The following ZNRF1 variants were observed in gnomAD, a reference collection of about 807,000 sequenced individuals.
ZNRF1 encodes E3 ubiquitin-protein ligase ZNRF1.
Under a neutral mutation model 18.4 loss-of-function variants are expected in ZNRF1, and 3 were observed. The ratio of observed to expected loss-of-function variants is 0.16; its 90% CI spans 0.07 to 0.42. The LOEUF is 0.42. ZNRF1 is among the 10% of genes least tolerant of loss of function. The probability of loss-of-function intolerance (pLI) is 0.99; values close to 1 mark genes in which losing one functional copy is unlikely to be tolerated. For synonymous variants in ZNRF1, 157 were observed against 144.2 expected, an observed-to-expected ratio of 1.09 and a Z score of -0.64; for missense variants, 310 against 329.8, an observed-to-expected ratio of 0.94 and a Z score of 0.47.
At chr16:75,042,408 G>A (rs931668094) in intron 1 of ZNRF1, among the ~76,000 whole-genome samples, 1 of 147,910 alleles carries the variant, frequency 6.8e-6, no homozygotes, top group African/African-American at 2.5e-5. Flanking sequence ...GTTAATTTTT[G>A]GATATGGTAT....
intron 1 of ZNRF1, among the ~76,000 whole-genome samples, chr16:75,019,521 C>G (rs1455560939): frequency 1.3e-5 from 2 of 152,124 alleles, no homozygotes; most frequent in East Asian, 3.9e-4. Context: ...TTGTGGCATA[C>G]TACACAGTCA....
chr16:75,088,501 TAAG>T (rs775988362), intron 1 of ZNRF1, among the ~76,000 whole-genome samples: 3 of 152,190 alleles, frequency 2.0e-5, no homozygotes, highest in Non-Finnish European at 4.4e-5. Context: ...ATGGGGCACT[TAAG>T]GAGAAATTGC....
chr16:75,037,109 A>C (rs2035385465), intron 1 of ZNRF1, among the ~76,000 whole-genome samples: 1 of 152,186 alleles, frequency 6.6e-6, no homozygotes, highest in African/African-American at 2.4e-5. Context: ...CTAGAATTTC[A>C]ATCTGTCGAT....
intron 1 of ZNRF1, among the ~76,000 whole-genome samples, chr16:75,060,010 G>T (rs2035722009): frequency 6.6e-6 from 1 of 152,068 alleles, no homozygotes; most frequent in African/African-American, 2.4e-5. Context: ...TAGAAACCCA[G>T]GAGCACTTGG....
At chr16:75,019,949 G>A (rs1026533555) in intron 1 of ZNRF1, among the ~76,000 whole-genome samples, 5 of 152,154 alleles carry the variant, frequency 3.3e-5, no homozygotes, top group East Asian at 1.9e-4. Context: ...GGGCTCAGGC[G>A]ATCCTCCCAC....
chr16:75,057,065 T>C (rs2035677056), intron 1 of ZNRF1, among the ~76,000 whole-genome samples: 1 of 152,228 alleles, frequency 6.6e-6, no homozygotes, highest in South Asian at 2.1e-4. Context: ...CATTTCTCCA[T>C]ACAGAGTACC....
At chr16:75,095,485 T>C (rs577808567) in intron 2 of ZNRF1, 4 of 1,159,610 alleles carry the variant, frequency 3.4e-6, no homozygotes, top group African/African-American at 1.5e-5. Flanking sequence ...TCCCTAGCCA[T>C]GGCCTCAAAA....
rs1215518352 is a variant in ZNRF1, at chr16:75,058,122, TA to T, written c.425-35447del. Among the ~76,000 whole-genome samples, 285 of 118,908 alleles carry T rather than the reference TA, an allele frequency of 2.4e-3. 2 individuals carry two copies. Among genetic ancestry groups the T allele is most frequent in the African/African-American group, 6.8e-3 (225 of 33,152 alleles). 78.0% of individuals were successfully genotyped at this position (118,908 alleles called of 152,430 possible). On this transcript the variant is annotated intron_variant, in intron 1 of 4. Transcript: ENST00000335325. ...TTTCCTTTTCTTTTTTTTTTTTTTT[TA>T]AATATTTTATGTTATTTTATTATTT...
chr16:75,028,178 A>C (rs2035251524), intron 1 of ZNRF1, among the ~76,000 whole-genome samples: 1 of 152,220 alleles, frequency 6.6e-6, no homozygotes, highest in Admixed American at 6.5e-5. Context: ...CTAGTGGTAC[A>C]TTCCTATTGG....
At chr16:75,106,779 G>A in intron 4 of ZNRF1, 1 of 528,358 alleles carries the variant, frequency 1.9e-6, no homozygotes. Context: ...GGACAGTTAT[G>A]AAGAACAGGC....
chr16:75,040,726 C>T (rs1425937228), intron 1 of ZNRF1, among the ~76,000 whole-genome samples: 1 of 150,164 alleles, frequency 6.7e-6, no homozygotes, highest in Non-Finnish European at 1.5e-5. Context: ...CCTGGCTTAG[C>T]CTCCTGAGTA....
intron 1 of ZNRF1, among the ~76,000 whole-genome samples, chr16:75,082,288 T>G (rs1173135671): frequency 6.6e-6 from 1 of 152,196 alleles, no homozygotes; most frequent in Non-Finnish European, 1.5e-5. Context: ...AGGGCCTCTC[T>G]TTGGAAGAAA....
intron 1 of ZNRF1, among the ~76,000 whole-genome samples, chr16:75,035,080 A>G (rs2035359978): frequency 6.6e-6 from 1 of 151,830 alleles, no homozygotes; most frequent in African/African-American, 2.4e-5. Context: ...GCAGTGCGTG[A>G]GTTCCAATTT....
rs144685634 is a variant in ZNRF1 at position 75,003,160 on chromosome 16, C to G, written c.424+3065C>G. 8.5e-5 allele frequency among the ~76,000 whole-genome samples: 13 copies of G among 152,330 alleles called. No individual in the cohort carries two copies. In the East Asian group the frequency reaches 2.5e-3, roughly 29 times the overall value. ...TGTTTTTTGTAGAGACGGGATTTCTCCATGTTTATCAGGCTGGTCTCAAAC... is the reference window on the plus strand; with the variant it reads ...TGTTTTTTGTAGAGACGGGATTTCTGCATGTTTATCAGGCTGGTCTCAAAC... On this transcript the variant is annotated intron_variant, in intron 1 of 4. Transcript: ENST00000335325.
At chr16:75,091,906 A>G (rs1416329976) in intron 1 of ZNRF1, among the ~76,000 whole-genome samples, 1 of 152,172 alleles carries the variant, frequency 6.6e-6, no homozygotes, top group African/African-American at 2.4e-5. Context: ...AGCCTTACCA[A>G]TAACATAAAC....
intron 3 of ZNRF1, 75 bp from the exon 4 acceptor site, chr16:75,106,407 G>A: frequency 4.0e-6 from 6 of 1,508,666 alleles, no homozygotes; most frequent in Non-Finnish European, 5.5e-6. Flanking sequence ...CAGGAATCTG[G>A]CCCTCTGAAA....
intron 1 of ZNRF1, among the ~76,000 whole-genome samples, chr16:75,079,211 G>A (rs1473112467): frequency 6.6e-6 from 1 of 152,212 alleles, no homozygotes; most frequent in African/African-American, 2.4e-5. Flanking sequence ...GCCGGGCGCG[G>A]TGGCTCATGC....
At chr16:75,013,408 G>A (rs759048468) in intron 1 of ZNRF1, among the ~76,000 whole-genome samples, 2 of 151,318 alleles carry the variant, frequency 1.3e-5, no homozygotes, top group African/African-American at 4.9e-5. Flanking sequence ...GTGCAGTGGC[G>A]TGATCTCAGC....
At chr16:75,013,035 T>G (rs2035019267) in intron 1 of ZNRF1, among the ~76,000 whole-genome samples, 1 of 152,222 alleles carries the variant, frequency 6.6e-6, no homozygotes, top group Non-Finnish European at 1.5e-5. Flanking sequence ...ATCAGTTCTG[T>G]AGGATTAGAG....
Sources: allele counts gnomAD v4.1 joint callset (sites outside exome capture counted in the v4.1 genomes callset), GRCh38; gene constraint gnomAD v4.1.1; transcripts MANE v1.5; gene names NCBI Gene and HGNC (gene_info 2026-07-23, HGNC 2026-07-21).